Variants in COL4A2 observed in about 807,000 individuals in gnomAD.
COL4A2 encodes collagen alpha-2(IV) chain.
A neutral mutation model predicts 200.2 loss-of-function variants in COL4A2; 99 were observed. The observed-to-expected ratio is 0.49, with a 90% CI of 0.42 to 0.58. The LOEUF is 0.58. COL4A2 is among the 20% of genes least tolerant of loss of function. COL4A2 has a pLI of 0.00. For missense variants in COL4A2, 1,950 were observed against 2,314.1 expected, an observed-to-expected ratio of 0.84 and a Z score of 3.23; for synonymous variants, 897 against 900.6, an observed-to-expected ratio of 1.00 and a Z score of 0.07.
At chr13:110,441,641 G>A (rs1037796939) in intron 16 of COL4A2, among the ~76,000 whole-genome samples, 2 of 152,138 alleles carry the variant, frequency 1.3e-5, no homozygotes, top group African/African-American at 4.8e-5. Flanking sequence ...AGCAAATATT[G>A]TAAAGGGACA....
intron 45 of COL4A2, among the ~76,000 whole-genome samples, chr13:110,505,396 A>C (rs1883826067): frequency 6.6e-6 from 1 of 152,172 alleles, no homozygotes; most frequent in Non-Finnish European, 1.5e-5. Flanking sequence ...TTGGTGTCCA[A>C]GTCAAAGGAA....
At chr13:110,382,613 C>G (rs1007843940) in intron 4 of COL4A2, among the ~76,000 whole-genome samples, 1 of 152,136 alleles carries the variant, frequency 6.6e-6, no homozygotes, top group Non-Finnish European at 1.5e-5. Context: ...ATTGAAGAAT[C>G]TATTAAATAT....
intron 4 of COL4A2, among the ~76,000 whole-genome samples, chr13:110,394,228 CCAGA>C (rs1166433546): frequency 6.6e-6 from 1 of 152,166 alleles, no homozygotes; most frequent in African/African-American, 2.4e-5. Context: ...TTACTTTCTG[CCAGA>C]CACTGTTTTG....
In COL4A2 at chr13:110,458,897, C is replaced by G. The variant is rs1210561453; in HGVS notation, c.1559C>G (p.Pro520Arg). Residue 520 changes from proline to arginine, a missense_variant, in exon 22 of 48, where the codon CCC becomes CGC. Pro to Arg is a moderately radical substitution (Grantham distance 103). Around this residue, in one of 2 missense-constraint regions of COL4A2, gnomAD observed 1,385 missense variants for 1,720.5 expected, o/e 0.80. Coordinates refer to ENST00000360467, the MANE Select transcript of COL4A2 (RefSeq NM_001846.4). Reference protein sequence around the residue: ...EPGRKGDRGDPGQHGLPGFPG... With the variant: ...EPGRKGDRGDRGQHGLPGFPG... ...GGGAGGAAAGGGGACAGAGGAGACCCCGGCCAACACGGCCTCCCTGGGTTC... is the reference window on the plus strand; with the variant it reads ...GGGAGGAAAGGGGACAGAGGAGACCGCGGCCAACACGGCCTCCCTGGGTTC... 1 of 1,595,238 alleles carries G rather than the reference C, an allele frequency of 6.3e-7. No homozygotes were observed. The highest frequency in any genetic ancestry group is 8.5e-7 in the Non-Finnish European group (1 of 1,171,156).
chr13:110,428,548 G>A lies in COL4A2; in HGVS notation c.442G>A (p.Gly148Arg), dbSNP rs1302849404. Residue 148 changes from glycine to arginine, a missense_variant, in exon 7 of 48, where the codon GGG (glycine) becomes AGG (arginine). Transcript: ENST00000360467. ...AACCCAGGGAGACTCAGGTCCACAG[G>A]GGCCCCCCGGCTCTGAGGGGTTCAC... The part of the protein sequence containing the change: ...NGTQGDSGPQ[G>R]PPGSEGFTGP... The A allele has an allele frequency of 1.3e-6, 2 of 1,577,872 alleles. No individual in the cohort carries two copies. The highest frequency in any genetic ancestry group is 8.6e-7 in the Non-Finnish European group (1 of 1,166,908).
chr13:110,415,082 G>A (rs1282903188), intron 4 of COL4A2, among the ~76,000 whole-genome samples: 1 of 152,182 alleles, frequency 6.6e-6, no homozygotes, highest in African/African-American at 2.4e-5. Flanking sequence ...CAAACTACAT[G>A]GAGGGAGAAA....
intron 40 of COL4A2, among the ~76,000 whole-genome samples, chr13:110,498,935 C>T (rs1336659249): frequency 3.3e-5 from 5 of 152,204 alleles, no homozygotes; most frequent in African/African-American, 9.6e-5. Flanking sequence ...CCCCCACCCT[C>T]GACCTGCATG....
rs769279552 is a variant in COL4A2 at position 110,485,721 on chromosome 13, A to G, written c.3092A>G (p.His1031Arg). ...GIPGLPGRPG[H>R]IKGVKGDIGV... ...CCTGGGCTGCCTGGGAGGCCCGGCC[A>G]CATCAAAGGAGTCAAGGGAGACATC... The change falls in exon 34 of 48, where the codon CAC becomes CGC. Residue 1031 changes from histidine to arginine, a missense_variant. By Grantham distance (29) the His-to-Arg change is conservative. Transcript: ENST00000360467. 6 of 1,613,568 alleles carry G rather than the reference A, an allele frequency of 3.7e-6. No homozygotes were observed. The African/African-American group carries it at 4.0e-5, about 11-fold the overall frequency.
At chr13:110,466,318 A>G (rs1882239895) in intron 26 of COL4A2, among the ~76,000 whole-genome samples, 1 of 152,128 alleles carries the variant, frequency 6.6e-6, no homozygotes, top group East Asian at 1.9e-4. Context: ...GTGCATTCCA[A>G]CTCAGCTCCA....
chr13:110,493,069 TGACACCCCCA>T, intron 38 of COL4A2, 132 bp from the exon 39 acceptor site: 13 of 863,104 alleles, frequency 1.5e-5, no homozygotes, highest in South Asian at 2.8e-5. Flanking sequence ...TAACGATGAG[TGACACCCCCA>T]TGGGTGAAAT....
At chr13:110,387,006 G>A (rs1366600594) in intron 4 of COL4A2, among the ~76,000 whole-genome samples, 3 of 152,152 alleles carry the variant, frequency 2.0e-5, no homozygotes, top group East Asian at 3.9e-4. Context: ...TTGGGAGGCC[G>A]AGGCGGGTGA....
chr13:110,408,493 T>A (rs1594196844), intron 4 of COL4A2, among the ~76,000 whole-genome samples: 1 of 152,226 alleles, frequency 6.6e-6, no homozygotes, highest in Non-Finnish European at 1.5e-5. Flanking sequence ...CGTCCCCAAG[T>A]CCTGCCCCTT....
At chr13:110,336,873 T>C (rs539186318) in intron 3 of COL4A2, among the ~76,000 whole-genome samples, 151 of 152,316 alleles carry the variant, frequency 9.9e-4, no homozygotes, top group Non-Finnish European at 1.2e-3. Flanking sequence ...AGTCACCACA[T>C]TCAGCCTGGG....
intron 3 of COL4A2, among the ~76,000 whole-genome samples, chr13:110,332,269 C>T (rs1263222961): frequency 6.6e-6 from 1 of 152,196 alleles, no homozygotes; most frequent in Non-Finnish European, 1.5e-5. Flanking sequence ...TTGAAACCTA[C>T]ATAAGGGCTA....
chr13:110,459,083 C>T, intron 22 of COL4A2, 149 bp downstream of exon 22: 1 of 772,162 alleles, frequency 1.3e-6, no homozygotes, highest in Non-Finnish European at 1.9e-6. Flanking sequence ...TAAAAACCCA[C>T]ATACCCCAAG....
intron 41 of COL4A2, chr13:110,502,811 G>C (rs1047434379): frequency 1.0e-5 from 3 of 295,186 alleles, no homozygotes; most frequent in Non-Finnish European, 1.9e-5. Context: ...TGAGGGTTGG[G>C]GGGAGAGGGA....
At chr13:110,487,995 T>C (rs1322410536) in intron 34 of COL4A2, among the ~76,000 whole-genome samples, 2 of 152,086 alleles carry the variant, frequency 1.3e-5, no homozygotes, top group East Asian at 3.9e-4. Context: ...GTGGATACCC[T>C]CCCCCTTCCT....
chr13:110,401,477 G>A (rs570550646), intron 4 of COL4A2, among the ~76,000 whole-genome samples: 1 of 152,264 alleles, frequency 6.6e-6, no homozygotes, highest in African/African-American at 2.4e-5. Flanking sequence ...CCTACCCAGG[G>A]GAACTAAAAC....
At chr13:110,382,466 G>T (rs1878528644) in intron 4 of COL4A2, among the ~76,000 whole-genome samples, 1 of 152,150 alleles carries the variant, frequency 6.6e-6, no homozygotes, top group African/African-American at 2.4e-5. Context: ...AGGTGCTGGA[G>T]ACTAGGGAGC....
Sources: gnomAD v4.1 joint callset for allele counts (sites outside exome capture counted in the v4.1 genomes callset) on GRCh38, gnomAD v4.1.1 for gene constraint, gnomAD v4.1.1 regional missense constraint, MANE v1.5 for transcripts, NCBI Gene and HGNC (gene_info 2026-07-23, HGNC 2026-07-21) for gene names.